The following ZMYM4 variants were observed in gnomAD, a reference collection of about 807,000 sequenced individuals.
The protein encoded by ZMYM4 is zinc finger MYM-type protein 4.
In ZMYM4, 31 loss-of-function variants were observed where a neutral mutation model predicts 183.2. The ratio of observed to expected loss-of-function variants is 0.17; its 90% CI spans 0.13 to 0.23. The LOEUF is 0.23. Ranked by LOEUF, ZMYM4 falls within the 10% of genes least tolerant of loss-of-function variation. The pLI, the probability that ZMYM4 is intolerant of heterozygous loss-of-function variation, is 1.00. For missense variants in ZMYM4, 1,273 were observed against 1,840.3 expected (o/e 0.69, Z 5.64); for synonymous variants, 592 against 631.2 (o/e 0.94, Z 0.93).
chr1:35,352,828 C>G (rs1366923777), intron 2 of ZMYM4, among the ~76,000 whole-genome samples: 1 of 152,176 alleles, frequency 6.6e-6, no homozygotes, highest in African/African-American at 2.4e-5. Flanking sequence ...TGTCTTCCAT[C>G]TGTAGTAAAT....
chr1:35,280,464 C>T (rs2148684065), intron 1 of ZMYM4, among the ~76,000 whole-genome samples: 1 of 152,246 alleles, frequency 6.6e-6, no homozygotes, highest in East Asian at 1.9e-4. Context: ...GATATTAAAG[C>T]AGCACTCCAC....
At chr1:35,276,302 TTCCTTCC>T (rs144816654) in intron 1 of ZMYM4, among the ~76,000 whole-genome samples, 6,422 of 140,160 alleles carry the variant, frequency 0.046, 387 homozygotes, top group African/African-American at 0.14. Flanking sequence ...CTCCTTTCCT[TTCCTTCC>T]TCCTTCCTTC....
At chr1:35,346,667 A>AG (rs1296071632) in intron 2 of ZMYM4, among the ~76,000 whole-genome samples, 12 of 151,356 alleles carry the variant, frequency 7.9e-5, no homozygotes, top group African/African-American at 1.9e-4. Flanking sequence ...AAAAAAAAAA[A>AG]AAAGAAAAAA....
At chr1:35,312,218 T>C (rs1353617104) in intron 1 of ZMYM4, among the ~76,000 whole-genome samples, 1 of 152,210 alleles carries the variant, frequency 6.6e-6, no homozygotes, top group Admixed American at 6.5e-5. Context: ...TTTTCCTGTT[T>C]GACGTTTGCT....
chr1:35,354,647 A>G (rs573840984), intron 2 of ZMYM4, among the ~76,000 whole-genome samples: 2 of 148,282 alleles, frequency 1.3e-5, no homozygotes, highest in East Asian at 4.1e-4. Flanking sequence ...GAATCGCTTG[A>G]ACCTGGGAGG....
chr1:35,269,167 G>C, intron 1 of ZMYM4, 82 bp downstream of exon 1: 1 of 1,521,030 alleles, frequency 6.6e-7, no homozygotes, highest in Non-Finnish European at 8.9e-7. Flanking sequence ...CAGGTTCGTG[G>C]AGGGGTCGCC....
intron 23 of ZMYM4, among the ~76,000 whole-genome samples, chr1:35,400,784 A>G (rs999143730): frequency 3.3e-5 from 5 of 152,202 alleles, no homozygotes; most frequent in Non-Finnish European, 5.9e-5. Context: ...GCTGCTGACA[A>G]CCACTGATCT....
At position 35,334,866 on chromosome 1, in the gene ZMYM4, C is replaced by T. The variant is rs187811134; in HGVS notation, c.85+9461C>T. Among the ~76,000 whole-genome samples the T allele has an allele frequency of 1.9e-4, 29 of 152,226 alleles. No individual in the cohort carries two copies. In the East Asian group the frequency reaches 5.0e-3, roughly 26 times the overall value. ...TTTTGACACTTAAACATTTTGGTAT[C>T]GTTTATGACATCTGGGTTTTCAGTC... On this transcript the variant is annotated intron_variant, in intron 2 of 29. Coordinates refer to ENST00000314607, the MANE Select transcript of ZMYM4 (RefSeq NM_005095.3).
chr1:35,292,272 A>G (rs948444927), intron 1 of ZMYM4: 1 of 152,162 alleles, frequency 6.6e-6, no homozygotes, highest in African/African-American at 2.4e-5. Context: ...ACTGATCAGT[A>G]TGGGAGTTTT....
At chr1:35,323,211 A>G (rs1642362725) in intron 1 of ZMYM4, among the ~76,000 whole-genome samples, 1 of 152,096 alleles carries the variant, frequency 6.6e-6, no homozygotes, top group Non-Finnish European at 1.5e-5. Flanking sequence ...CATGTTGGCC[A>G]GGCTGGTCTT....
chr1:35,330,518 C>T (rs552826774), intron 2 of ZMYM4, among the ~76,000 whole-genome samples: 1 of 152,268 alleles, frequency 6.6e-6, no homozygotes, highest in South Asian at 2.1e-4. Flanking sequence ...GGAAAATCTA[C>T]CTGTGTACTT....
At chr1:35,285,030 A>AT (rs1640405256) in intron 1 of ZMYM4, among the ~76,000 whole-genome samples, 1 of 151,920 alleles carries the variant, frequency 6.6e-6, no homozygotes, top group Admixed American at 6.6e-5. Context: ...GTTCTGTTCT[A>AT]TTTGTCTATA....
At chr1:35,311,913 G>A (rs538700947) in intron 1 of ZMYM4, among the ~76,000 whole-genome samples, 9 of 150,786 alleles carry the variant, frequency 6.0e-5, no homozygotes, top group African/African-American at 4.9e-5. Context: ...TTTTCGAGAC[G>A]AGGTCTCACT....
intron 1 of ZMYM4, among the ~76,000 whole-genome samples, chr1:35,308,659 G>A (rs921294472): frequency 6.6e-6 from 1 of 152,096 alleles, no homozygotes; most frequent in Admixed American, 6.6e-5. Context: ...TCAGCAGTTC[G>A]AGACCATCCT....
At chr1:35,307,485 A>T (rs187213810) in intron 1 of ZMYM4, among the ~76,000 whole-genome samples, 3,204 of 150,948 alleles carry the variant, frequency 0.021, 64 homozygotes, top group African/African-American at 0.049. Context: ...TTAAAAAAAA[A>T]TTTTAATTGT....
chr1:35,398,974 G>C lies in ZMYM4; in HGVS notation c.3364G>C (p.Ala1122Pro). Residue 1122 changes from alanine to proline, a missense_variant, in exon 22 of 30, where the codon GCT (alanine) becomes CCT (proline). By Grantham distance (27) the Ala-to-Pro change is conservative (BLOSUM62 -1). This residue lies in a region of ZMYM4 where 290 missense variants were observed against 353.3 expected (regional missense o/e 0.82). Coordinates refer to ENST00000314607, the MANE Select transcript of ZMYM4 (RefSeq NM_005095.3). Reference protein sequence around the residue: ...YALKSNAVQEADSELKQFSKG... With the variant: ...YALKSNAVQEPDSELKQFSKG... ...CTTAAAGTCAAATGCTGTGCAAGAG[G>C]CTGATTCAGAATTGAAGCAGTTCTC... The C allele has an allele frequency of 3.1e-6, 5 of 1,614,114 alleles. No individual in the cohort carries two copies. The highest frequency in any genetic ancestry group is 4.2e-6 in the Non-Finnish European group (5 of 1,179,996).
chr1:35,284,596 C>T (rs752837636), intron 1 of ZMYM4, among the ~76,000 whole-genome samples: 2 of 152,130 alleles, frequency 1.3e-5, no homozygotes, highest in Non-Finnish European at 2.9e-5. Flanking sequence ...AGTTGACCAT[C>T]GTATCAGTTT....
intron 5 of ZMYM4, among the ~76,000 whole-genome samples, chr1:35,363,566 CAGTT>C (rs1296278252): frequency 5.3e-5 from 8 of 152,088 alleles, no homozygotes; most frequent in African/African-American, 1.4e-4. Flanking sequence ...AATTGATGCT[CAGTT>C]AGCATGAATT....
At chr1:35,310,108 T>A (rs767311675) in intron 1 of ZMYM4, among the ~76,000 whole-genome samples, 10 of 151,416 alleles carry the variant, frequency 6.6e-5, no homozygotes, top group African/African-American at 2.4e-4. Context: ...GTTTGTATAT[T>A]TTTTTTTAGT....
Sources: allele counts gnomAD v4.1 joint callset (sites outside exome capture counted in the v4.1 genomes callset), GRCh38; gene constraint gnomAD v4.1.1; regional missense constraint gnomAD v4.1.1; transcripts MANE v1.5; gene names NCBI Gene and HGNC (gene_info 2026-07-23, HGNC 2026-07-21).